P4HB: variants seen among roughly 807,000 people sequenced by gnomAD.
P4HB encodes the protein protein disulfide-isomerase.
A neutral mutation model predicts 52.6 loss-of-function variants in P4HB; 20 were observed. The ratio of observed to expected loss-of-function variants is 0.38; its 90% confidence interval spans 0.27 to 0.55. The LOEUF is 0.55. P4HB is among the 20% of genes least tolerant of loss of function. P4HB has a pLI of 0.74. For synonymous variants in P4HB, 296 were observed against 277.9 expected, an observed-to-expected ratio of 1.07 and a Z score of -0.65; for missense variants, 601 against 669.2, an observed-to-expected ratio of 0.90 and a Z score of 1.12.
chr17:81,858,139 G>A (rs917423779), intron 2 of P4HB, among the ~76,000 whole-genome samples: 7 of 151,626 alleles, frequency 4.6e-5, no homozygotes, highest in African/African-American at 1.7e-4. Flanking sequence ...AGGCGTGGTG[G>A]TGCACACCTG....
chr17:81,856,427 T>C (rs1016958732), intron 2 of P4HB, among the ~76,000 whole-genome samples: 3 of 143,220 alleles, frequency 2.1e-5, no homozygotes, highest in Non-Finnish European at 3.0e-5. Flanking sequence ...AACCTCCACC[T>C]CCCGGGTTCA....
chr17:81,857,852 G>A (rs1300508436), intron 2 of P4HB, among the ~76,000 whole-genome samples: 1 of 152,184 alleles, frequency 6.6e-6, no homozygotes, highest in Non-Finnish European at 1.5e-5. Context: ...GATGTAGAAG[G>A]ATTCCACCAG....
chr17:81,855,601 A>G lies in P4HB; in HGVS notation c.353-15T>C, dbSNP rs1213759020. ...CTCTCTGCCAGCTAACCCCAAACAA[A>G]TGTAGGTTCTACTCTCAAACAGGGA... On this transcript the variant is annotated splice_polypyrimidine_tract_variant and intron_variant, in intron 2 of 10. Transcript: ENST00000331483. The surrounding 1 kb of genome is among the most constrained non-coding windows in gnomAD (Gnocchi z 4.3). 6.2e-7 allele frequency: 1 copy of G among 1,610,092 alleles called. No individual in the cohort carries two copies. Among genetic ancestry groups the G allele is most frequent in the Non-Finnish European group, 8.5e-7 (1 of 1,177,772 alleles).
At chr17:81,854,460 T>G (rs2038882014) in intron 4 of P4HB, among the ~76,000 whole-genome samples, 1 of 151,504 alleles carries the variant, frequency 6.6e-6, no homozygotes, top group Admixed American at 6.6e-5. Flanking sequence ...GAGGATCACT[T>G]GAGCCTGGGA....
intron 4 of P4HB, among the ~76,000 whole-genome samples, chr17:81,853,490 C>T (rs1043981837): frequency 1.3e-5 from 2 of 151,892 alleles, no homozygotes; most frequent in Non-Finnish European, 1.5e-5. Flanking sequence ...AGGAGAATGG[C>T]GTGAACCCGT....
At position 81,846,759 on chromosome 17, in the gene P4HB, C is replaced by A. The variant is rs1465201403; in HGVS notation, c.856-130G>T. On this transcript the variant is annotated intron_variant, in intron 6 of 10. Transcript: ENST00000331483. This position sits in a 1 kb window ranked among gnomAD's most constrained non-coding sequence, Gnocchi z 5.7. ...AACCTGGATTCCGGGGTTGCCCAAC[C>A]AGACCAGCAGGTGACTGGGAGCAGA... The A allele has an allele frequency of 9.0e-6, 11 of 1,215,548 alleles. No individual in the cohort carries two copies. Among genetic ancestry groups the A allele is most frequent in the African/African-American group, 1.5e-5 (1 of 67,070 alleles). 75.3% of individuals were successfully genotyped at this position (1,215,548 alleles called of 1,614,324 possible).
At chr17:81,854,827 G>A (rs895195112) in intron 4 of P4HB, among the ~76,000 whole-genome samples, 4 of 144,708 alleles carry the variant, frequency 2.8e-5, no homozygotes, top group African/African-American at 1.1e-4. Flanking sequence ...GGGTGACAGA[G>A]CAAGACTCTC....
chr17:81,847,357 G>A lies in P4HB; in HGVS notation c.625-10C>T, dbSNP rs1358082807. The A allele has an allele frequency of 5.6e-6, 9 of 1,606,768 alleles. No individual in the cohort carries two copies. The highest frequency in any genetic ancestry group is 1.7e-6 in the Non-Finnish European group (2 of 1,173,414). Reference sequence around the variant, plus strand: ...TCCGGCCTTCATCAAACTGTGGACAGAAAGAGGGCCCTGACTGAGCATTGC... The same window carrying A: ...TCCGGCCTTCATCAAACTGTGGACAAAAAGAGGGCCCTGACTGAGCATTGC... On this transcript the variant is annotated splice_polypyrimidine_tract_variant and intron_variant, in intron 4 of 10. Transcript: ENST00000331483.
intron 2 of P4HB, chr17:81,858,909 C>T: frequency 2.2e-6 from 1 of 458,886 alleles, no homozygotes; most frequent in Non-Finnish European, 4.0e-6. Flanking sequence ...GTCTCCCTCT[C>T]CTCGCTGGTC....
rs577704457 is a variant in P4HB at position 81,852,811 on chromosome 17, G to A, written c.624+2331C>T. On this transcript the variant is annotated intron_variant, in intron 4 of 10. Coordinates refer to ENST00000331483, the MANE Select transcript of P4HB (RefSeq NM_000918.4). ...ACCAAACTGTCCATAGAGTCACAGCGGCCACTGCAGACATCCAGGGCACTG... is the reference window on the plus strand; with the variant it reads ...ACCAAACTGTCCATAGAGTCACAGCAGCCACTGCAGACATCCAGGGCACTG... Among the ~76,000 whole-genome samples, 4 of 152,340 alleles carry A rather than the reference G, an allele frequency of 2.6e-5. 1 individual carries two copies. Among genetic ancestry groups the A allele is most frequent in the African/African-American group, 7.2e-5 (3 of 41,576 alleles).
At chr17:81,847,647 C>G (rs1269344716) in intron 4 of P4HB, 1 of 451,302 alleles carries the variant, frequency 2.2e-6, no homozygotes, top group African/African-American at 2.0e-5. Context: ...GGCCCCTAGC[C>G]TTTTCAGGGC....
Position 81,855,770 on chromosome 17 carries a change from T to C in P4HB, c.353-184A>G, listed in dbSNP as rs541902641. The stretch of plus-strand genomic sequence containing the variant: ...CCCGCCTCCTAAACCCCAGTGTACG[T>C]GAGACTGTGGTTGTGTTTATGGGGA... On this transcript the variant is annotated intron_variant, in intron 2 of 10. Transcript: ENST00000331483. The surrounding 1 kb of genome is among the most constrained non-coding windows in gnomAD (Gnocchi z 4.3). 2.0e-5 allele frequency: 12 copies of C among 611,010 alleles called. No homozygotes were observed. Among genetic ancestry groups the C allele is most frequent in the Non-Finnish European group, 3.4e-5 (12 of 355,182 alleles). The allele number at this position is 611,010 out of a possible 1,614,324, so 37.8% of individuals were successfully genotyped here. A position where few individuals can be genotyped will look rare whatever the true frequency, so the allele number is the denominator to read the frequency against.
chr17:81,850,085 C>T (rs1323101438), intron 4 of P4HB, among the ~76,000 whole-genome samples: 1 of 151,676 alleles, frequency 6.6e-6, no homozygotes, highest in Non-Finnish European at 1.5e-5. Flanking sequence ...GCCTCGGCCT[C>T]CTAAAGTGCT....
At chr17:81,856,686 C>T (rs2038916841) in intron 2 of P4HB, among the ~76,000 whole-genome samples, 1 of 142,324 alleles carries the variant, frequency 7.0e-6, no homozygotes, top group South Asian at 2.3e-4. Context: ...CTACCTCTGT[C>T]GTCCAGGCTG....
At chr17:81,844,372 C>G (rs1179151273) in intron 10 of P4HB, among the ~76,000 whole-genome samples, 2 of 152,204 alleles carry the variant, frequency 1.3e-5, no homozygotes, top group Non-Finnish European at 2.9e-5. Flanking sequence ...TTCCACTGGG[C>G]ATGGAAGGCG....
chr17:81,843,409 G>A lies in P4HB; in HGVS notation c.*603C>T, dbSNP rs199682639. ...GAAGGGGAAGGCCCAGGCCTGTGCC[G>A]GGCCCCAGGGCTGGCAGCCACCAGC... On this transcript the variant is annotated 3_prime_UTR_variant, in exon 11 of 11. Transcript: ENST00000331483. 10 of 399,566 alleles carry A rather than the reference G, an allele frequency of 2.5e-5. No individual in the cohort carries two copies. The highest frequency in any genetic ancestry group is 4.4e-5 in the Non-Finnish European group (10 of 227,150). The allele number at this position is 399,566 out of a possible 1,614,324, so 24.8% of individuals were successfully genotyped here. A position where few individuals can be genotyped will look rare whatever the true frequency, so the allele number is the denominator to read the frequency against.
At chr17:81,850,142 T>A (rs1370190375) in intron 4 of P4HB, among the ~76,000 whole-genome samples, 2 of 151,182 alleles carry the variant, frequency 1.3e-5, no homozygotes, top group East Asian at 2.0e-4. Flanking sequence ...CTATTTTATT[T>A]TTTTTTTGAG....
chr17:81,847,203 C>T (rs774038503), intron 5 of P4HB, 40 bp downstream of exon 5: 2 of 1,606,080 alleles, frequency 1.2e-6, no homozygotes, highest in South Asian at 1.1e-5. Flanking sequence ...CCAACCCACT[C>T]CTCCCCATCC....
intron 4 of P4HB, among the ~76,000 whole-genome samples, chr17:81,849,070 A>G (rs1420167196): frequency 6.6e-6 from 1 of 151,354 alleles, no homozygotes; most frequent in African/African-American, 2.4e-5. Flanking sequence ...ATACAAAAAT[A>G]CAAAAATCAG....
Sources: gnomAD v4.1 joint callset for allele counts (sites outside exome capture counted in the v4.1 genomes callset) on GRCh38, gnomAD v4.1.1 for gene constraint, Gnocchi (gnomAD v3.1) non-coding constraint, MANE v1.5 for transcripts, NCBI Gene and HGNC (gene_info 2026-07-23, HGNC 2026-07-21) for gene names.